Variants in GRM8 observed in about 807,000 individuals in gnomAD.
The protein encoded by GRM8 is metabotropic glutamate receptor 8.
GRM8 carries 47 observed loss-of-function variants against 87.2 expected under a neutral mutation model. The ratio of observed to expected loss-of-function variants is 0.54; its 90% CI spans 0.43 to 0.69. The LOEUF (loss-of-function observed/expected upper bound fraction) is 0.69. Ranked by LOEUF, GRM8 falls within the 30% of genes least tolerant of loss-of-function variation. GRM8 has a pLI of 0.00. For synonymous variants in GRM8, 396 were observed against 404.5 expected, an observed-to-expected ratio of 0.98 and a Z score of 0.25; for missense variants, 1,019 against 1,139.2, an observed-to-expected ratio of 0.89 and a Z score of 1.52.
chr7:126,854,466 C>A (rs539484804), intron 6 of GRM8, among the ~76,000 whole-genome samples: 1 of 152,280 alleles, frequency 6.6e-6, no homozygotes, highest in South Asian at 2.1e-4. Flanking sequence ...AAACTCACAT[C>A]ATTGGAAGAA....
chr7:126,527,044 T>G (rs1813959504), intron 9 of GRM8, among the ~76,000 whole-genome samples: 1 of 152,172 alleles, frequency 6.6e-6, no homozygotes, highest in South Asian at 2.1e-4. Flanking sequence ...CAAATGACTG[T>G]GAACTGACAA....
intron 6 of GRM8, among the ~76,000 whole-genome samples, chr7:126,877,170 C>T (rs930032976): frequency 6.6e-6 from 1 of 152,158 alleles, no homozygotes; most frequent in Non-Finnish European, 1.5e-5. Context: ...CCTGGCCTTC[C>T]TCTTTCTCTC....
At chr7:126,875,397 C>T (rs866046890) in intron 6 of GRM8, among the ~76,000 whole-genome samples, 3 of 152,050 alleles carry the variant, frequency 2.0e-5, no homozygotes, top group Non-Finnish European at 4.4e-5. Flanking sequence ...TTGGGATACC[C>T]ACAGAAGGGA....
At position 126,978,126 on chromosome 7, in the gene GRM8, T is replaced by C. The variant is rs551114261; in HGVS notation, c.728-73443A>G. Among the ~76,000 whole-genome samples, 82 of 151,828 alleles carry C rather than the reference T, an allele frequency of 5.4e-4. 1 individual carries two copies. The South Asian group carries it at 0.016, about 30-fold the overall frequency. ...ATGTGAATCAACAGTAAATGGAATA[T>C]TTTTGAGTGAATGAATAAATGTAAT... On this transcript the variant is annotated intron_variant, in intron 3 of 10. Transcript: ENST00000339582.
chr7:126,851,471 C>T (rs943012979), intron 6 of GRM8, among the ~76,000 whole-genome samples: 2 of 152,198 alleles, frequency 1.3e-5, no homozygotes, highest in Non-Finnish European at 2.9e-5. Context: ...AGTAAGAGAG[C>T]CAAGAGCCTT....
At chr7:127,214,603 C>T (rs1007903852) in intron 2 of GRM8, among the ~76,000 whole-genome samples, 1 of 152,098 alleles carries the variant, frequency 6.6e-6, no homozygotes. Context: ...TCTTACATGG[C>T]GGCAGGAGAA....
chr7:127,047,860 T>C (rs1165483267), intron 3 of GRM8, among the ~76,000 whole-genome samples: 1 of 152,134 alleles, frequency 6.6e-6, no homozygotes, highest in Non-Finnish European at 1.5e-5. Flanking sequence ...AAAAAAGCAA[T>C]GCAAAATATC....
intron 3 of GRM8, among the ~76,000 whole-genome samples, chr7:126,913,654 T>G (rs1803546124): frequency 6.6e-6 from 1 of 152,228 alleles, no homozygotes. Context: ...TCTGAAGACA[T>G]AAGTGAACTA....
intron 9 of GRM8, among the ~76,000 whole-genome samples, chr7:126,478,645 C>G (rs78333563): frequency 0.018 from 2,691 of 152,080 alleles, 62 homozygotes; most frequent in African/African-American, 0.062. Context: ...TTCAAAGTAG[C>G]CAAATGATAT....
At chr7:127,087,719 C>T (rs1823655422) in intron 3 of GRM8, among the ~76,000 whole-genome samples, 2 of 151,970 alleles carry the variant, frequency 1.3e-5, no homozygotes, top group Non-Finnish European at 2.9e-5. Context: ...GCAGCATGCT[C>T]TTAAAAATTA....
At chr7:126,987,666 T>C (rs1020424669) in intron 3 of GRM8, among the ~76,000 whole-genome samples, 171 of 152,228 alleles carry the variant, frequency 1.1e-3, no homozygotes, top group African/African-American at 3.9e-3. Context: ...GGTTTCACCA[T>C]GTTAGCCAGG....
At chr7:126,478,884 T>C (rs1014050296) in intron 9 of GRM8, among the ~76,000 whole-genome samples, 3 of 152,092 alleles carry the variant, frequency 2.0e-5, no homozygotes, top group Non-Finnish European at 4.4e-5. Context: ...ATATGAAGAA[T>C]CAATACTGCC....
intron 8 of GRM8, among the ~76,000 whole-genome samples, chr7:126,534,250 T>C (rs1815326110): frequency 6.6e-6 from 1 of 152,090 alleles, no homozygotes; most frequent in African/African-American, 2.4e-5. Context: ...TAATCACAAA[T>C]ATAAATGCCA....
chr7:126,845,640 A>G (rs1395058839), intron 6 of GRM8, among the ~76,000 whole-genome samples: 1 of 152,256 alleles, frequency 6.6e-6, no homozygotes, highest in East Asian at 1.9e-4. Flanking sequence ...AAGTCAAAAA[A>G]GCATATATTT....
At chr7:126,739,699 G>A (rs1814717405) in intron 7 of GRM8, among the ~76,000 whole-genome samples, 1 of 150,154 alleles carries the variant, frequency 6.7e-6, no homozygotes, top group Admixed American at 6.7e-5. Flanking sequence ...ACTAATGCTT[G>A]TTTATAACTC....
chr7:126,881,967 T>C (rs1302107758), intron 6 of GRM8, among the ~76,000 whole-genome samples: 2 of 152,056 alleles, frequency 1.3e-5, no homozygotes, highest in Admixed American at 6.6e-5. Flanking sequence ...GTGTTAATGG[T>C]CACCTTTGTT....
intron 6 of GRM8, among the ~76,000 whole-genome samples, chr7:126,855,711 AGTGATAAACC>A (rs995368648): frequency 2.0e-5 from 3 of 152,002 alleles, no homozygotes; most frequent in Non-Finnish European, 4.4e-5. Flanking sequence ...CCTGACCTGA[AGTGATAAACC>A]GCCTTGGTCT....
chr7:126,976,904 T>A (rs1433701015), intron 3 of GRM8, among the ~76,000 whole-genome samples: 2 of 151,142 alleles, frequency 1.3e-5, no homozygotes, highest in Non-Finnish European at 2.9e-5. Context: ...TTTCATTATT[T>A]TTTTTTTTTT....
chr7:127,226,993 T>G (rs1047365883), intron 2 of GRM8, among the ~76,000 whole-genome samples: 1 of 152,204 alleles, frequency 6.6e-6, no homozygotes, highest in African/African-American at 2.4e-5. Flanking sequence ...ACAAAAGGTA[T>G]AAAAAGCTGT....
Sources: gnomAD v4.1 joint callset for allele counts (sites outside exome capture counted in the v4.1 genomes callset) on GRCh38, gnomAD v4.1.1 for gene constraint, MANE v1.5 for transcripts, NCBI Gene and HGNC (gene_info 2026-07-23, HGNC 2026-07-21) for gene names.